KCNQ3: variants seen among roughly 807,000 people sequenced by gnomAD.
KCNQ3 encodes the protein potassium voltage-gated channel subfamily KQT member 3.
Under a neutral mutation model 92.5 loss-of-function variants are expected in KCNQ3, and 30 were observed. The ratio of observed to expected loss-of-function variants is 0.32; its 90% CI spans 0.24 to 0.44. The LOEUF (loss-of-function observed/expected upper bound fraction) is 0.44, where lower values mean the gene tolerates loss of function less well. KCNQ3 is among the 20% of genes least tolerant of loss of function. The probability of loss-of-function intolerance (pLI) is 1.00; values close to 1 mark genes in which losing one functional copy is unlikely to be tolerated. For synonymous variants in KCNQ3, 450 were observed against 468.8 expected (o/e 0.96, Z 0.52); for missense variants, 913 against 1,140.3 (o/e 0.80, Z 2.87).
At chr8:132,261,249 A>G (rs1043859234) in intron 1 of KCNQ3, among the ~76,000 whole-genome samples, 1 of 152,162 alleles carries the variant, frequency 6.6e-6, no homozygotes, top group African/African-American at 2.4e-5. Context: ...CTCTATGAAG[A>G]CTGAGTTGCC....
At chr8:132,187,076 A>G in intron 1 of KCNQ3, 1 of 431,062 alleles carries the variant, frequency 2.3e-6, no homozygotes, top group Non-Finnish European at 4.6e-6. Context: ...TGTCAGTACC[A>G]GGTTCCCTGG....
chr8:132,189,221 G>A (rs1827083972), intron 1 of KCNQ3, among the ~76,000 whole-genome samples: 1 of 152,130 alleles, frequency 6.6e-6, no homozygotes, highest in South Asian at 2.1e-4. Flanking sequence ...TCTTGGCAGT[G>A]CCAGTCATGC....
At chr8:132,252,253 A>T (rs181950865) in intron 1 of KCNQ3, among the ~76,000 whole-genome samples, 120 of 152,250 alleles carry the variant, frequency 7.9e-4, no homozygotes, top group South Asian at 1.5e-3. Flanking sequence ...GTTCTTAAAG[A>T]TGGTGTGTCC....
chr8:132,144,567 A>G (rs934922021), intron 9 of KCNQ3, among the ~76,000 whole-genome samples: 1 of 152,194 alleles, frequency 6.6e-6, no homozygotes, highest in East Asian at 1.9e-4. Flanking sequence ...TCCAAATATG[A>G]GTTGTAAAAA....
intron 1 of KCNQ3, among the ~76,000 whole-genome samples, chr8:132,406,109 G>T (rs1820471583): frequency 6.6e-6 from 1 of 152,206 alleles, no homozygotes; most frequent in Non-Finnish European, 1.5e-5. Flanking sequence ...TAAGGCCATG[G>T]TGAGGATTAA....
intron 1 of KCNQ3, among the ~76,000 whole-genome samples, chr8:132,214,062 G>A (rs62519648): frequency 0.032 from 4,880 of 152,230 alleles, 137 homozygotes; most frequent in Non-Finnish European, 0.048. Flanking sequence ...TAAAGTTCTA[G>A]AGCAAGGAGG....
chr8:132,170,304 C>A lies in KCNQ3; in HGVS notation c.1235+30G>T, dbSNP rs749452325. On this transcript the variant is annotated intron_variant, in intron 8 of 14. Coordinates refer to ENST00000388996, the MANE Select transcript of KCNQ3 (RefSeq NM_004519.4). ...ACCGCAGGAGAGATGGCTGGTCACG[C>A]CCTGAGCATTCAGGTGAGTCCCCAC... 1.8e-5 allele frequency: 27 copies of A among 1,514,172 alleles called. No homozygotes were observed. The Admixed American group carries it at 4.0e-4, about 22-fold the overall frequency. The allele number at this position is 1,514,172 out of a possible 1,614,324, so 93.8% of individuals were successfully genotyped here. A position where few individuals can be genotyped will look rare whatever the true frequency, so the allele number is the denominator to read the frequency against.
In KCNQ3 at chr8:132,128,787, G is replaced by A. The variant is rs944706641; in HGVS notation, c.*475C>T. 8.7e-5 allele frequency: 15 copies of A among 173,380 alleles called. No individual in the cohort carries two copies. The highest frequency in any genetic ancestry group is 2.8e-3 in the Middle Eastern group (1 of 362). The allele number at this position is 173,380 out of a possible 1,614,324, so 10.7% of individuals were successfully genotyped here. On this transcript the variant is annotated 3_prime_UTR_variant, in exon 15 of 15. Transcript: ENST00000388996. ...AGGCAGCCCCACTGATACACAATGT[G>A]GTTTTGTTGAGAAAATTATTTCCTT...
intron 1 of KCNQ3, among the ~76,000 whole-genome samples, chr8:132,259,807 C>T (rs1204093124): frequency 1.3e-5 from 2 of 152,044 alleles, no homozygotes; most frequent in African/African-American, 2.4e-5. Flanking sequence ...AGTAAAGTTA[C>T]AAGATACAAG....
intron 1 of KCNQ3, among the ~76,000 whole-genome samples, chr8:132,192,821 TG>T (rs1827199361): frequency 6.6e-6 from 1 of 152,092 alleles, no homozygotes; most frequent in Non-Finnish European, 1.5e-5. Flanking sequence ...GGTTAATTTT[TG>T]GGATTTTTAA....
intron 1 of KCNQ3, chr8:132,187,325 G>T: frequency 2.2e-6 from 1 of 451,130 alleles, no homozygotes; most frequent in South Asian, 1.6e-5. Context: ...CAGATAAACA[G>T]AAAGTTGTCT....
intron 1 of KCNQ3, among the ~76,000 whole-genome samples, chr8:132,189,133 T>C (rs1827081881): frequency 6.6e-6 from 1 of 152,218 alleles, no homozygotes; most frequent in South Asian, 2.1e-4. Context: ...TCAAATTCTC[T>C]GAGCCCATGT....
chr8:132,380,979 T>G (rs1586971850), intron 1 of KCNQ3, among the ~76,000 whole-genome samples: 2 of 145,346 alleles, frequency 1.4e-5, no homozygotes, highest in Admixed American at 6.8e-5. Flanking sequence ...AAGGGCATGG[T>G]GCATCTGAAT....
At chr8:132,277,323 C>T (rs1000870498) in intron 1 of KCNQ3, among the ~76,000 whole-genome samples, 1 of 152,208 alleles carries the variant, frequency 6.6e-6, no homozygotes, top group Admixed American at 6.5e-5. Context: ...GTCCTCTTTC[C>T]ACTCCCAGTC....
At chr8:132,323,416 A>C (rs528245837) in intron 1 of KCNQ3, among the ~76,000 whole-genome samples, 1 of 152,328 alleles carries the variant, frequency 6.6e-6, no homozygotes, top group East Asian at 1.9e-4. Context: ...CAACGGCAGC[A>C]CTGTGTAGCT....
intron 1 of KCNQ3, among the ~76,000 whole-genome samples, chr8:132,306,512 C>T (rs1817427705): frequency 6.6e-6 from 1 of 152,176 alleles, no homozygotes; most frequent in Non-Finnish European, 1.5e-5. Context: ...CACCCGGAAA[C>T]CTCAAATGGA....
At chr8:132,265,234 A>T (rs145214377) in intron 1 of KCNQ3, among the ~76,000 whole-genome samples, 44 of 152,350 alleles carry the variant, frequency 2.9e-4, no homozygotes, top group African/African-American at 1.0e-3. Flanking sequence ...AAATTTGAGT[A>T]ACCATTTATT....
intron 1 of KCNQ3, among the ~76,000 whole-genome samples, chr8:132,249,383 G>C (rs1815314555): frequency 6.6e-6 from 1 of 152,150 alleles, no homozygotes; most frequent in South Asian, 2.1e-4. Context: ...CCCTGAGCTG[G>C]ACACAAAAGT....
chr8:132,231,270 C>T (rs182610563), intron 1 of KCNQ3, among the ~76,000 whole-genome samples: 1 of 152,334 alleles, frequency 6.6e-6, no homozygotes, highest in East Asian at 1.9e-4. Flanking sequence ...TTAAGCCACT[C>T]AGTTTGTGGT....
Sources: gnomAD v4.1 joint callset for allele counts (sites outside exome capture counted in the v4.1 genomes callset) on GRCh38, gnomAD v4.1.1 for gene constraint, MANE v1.5 for transcripts, NCBI Gene and HGNC (gene_info 2026-07-23, HGNC 2026-07-21) for gene names.